SPATA16: variants seen among roughly 807,000 people sequenced by gnomAD.
SPATA16 encodes spermatogenesis associated 16, also known as spermatogenesis-associated protein 16.
SPATA16 carries 36 observed loss-of-function variants against 63.3 expected under a neutral mutation model. The ratio of observed to expected loss-of-function variants is 0.57; its 90% CI spans 0.44 to 0.75. The LOEUF is 0.75. Among genes scored for constraint, SPATA16 ranks in the 30% least tolerant of loss-of-function variants. SPATA16 has a pLI of 0.00. For synonymous variants in SPATA16, 203 were observed against 216.7 expected (o/e 0.94, Z 0.56); for missense variants, 646 against 679.3 (o/e 0.95, Z 0.54).
intron 10 of SPATA16, among the ~76,000 whole-genome samples, chr3:172,900,693 T>C (rs1394102239): frequency 6.6e-6 from 1 of 152,072 alleles, no homozygotes; most frequent in Non-Finnish European, 1.5e-5. Context: ...CGGGCTGGAG[T>C]GCAATGGCAT....
At chr3:173,099,288 G>A (rs1349539897) in intron 2 of SPATA16, among the ~76,000 whole-genome samples, 1 of 152,106 alleles carries the variant, frequency 6.6e-6, no homozygotes, top group Non-Finnish European at 1.5e-5. Context: ...GAGATGGAGA[G>A]GGAGAGACAG....
chr3:173,094,762 C>A (rs1386416578), intron 2 of SPATA16, among the ~76,000 whole-genome samples: 1 of 147,884 alleles, frequency 6.8e-6, no homozygotes, highest in Non-Finnish European at 1.5e-5. Flanking sequence ...GACGGAAGGA[C>A]CTTCTTCTGA....
chr3:172,940,471 G>A (rs1171827249), intron 6 of SPATA16, among the ~76,000 whole-genome samples: 3 of 152,152 alleles, frequency 2.0e-5, no homozygotes, highest in Non-Finnish European at 4.4e-5. Flanking sequence ...TTAGCTTTCC[G>A]AAATCTTGAG....
chr3:173,034,758 A>C (rs1417543806), intron 3 of SPATA16, among the ~76,000 whole-genome samples: 2 of 152,178 alleles, frequency 1.3e-5, no homozygotes, highest in Non-Finnish European at 2.9e-5. Context: ...TGAATTGGAT[A>C]TGGACTTTGA....
At chr3:173,058,276 C>A (rs1736297133) in intron 2 of SPATA16, among the ~76,000 whole-genome samples, 1 of 151,938 alleles carries the variant, frequency 6.6e-6, no homozygotes, top group Non-Finnish European at 1.5e-5. Context: ...TTAATGGTTT[C>A]CCTAATGAGA....
At chr3:173,031,360 TG>T (rs1735604392) in intron 3 of SPATA16, among the ~76,000 whole-genome samples, 1 of 149,640 alleles carries the variant, frequency 6.7e-6, no homozygotes, top group Admixed American at 6.6e-5. Context: ...CCTAAAAGTT[TG>T]ATTGAAATGA....
intron 4 of SPATA16, among the ~76,000 whole-genome samples, chr3:172,978,209 G>A (rs1734214512): frequency 6.6e-6 from 1 of 151,112 alleles, no homozygotes; most frequent in Admixed American, 6.6e-5. Context: ...GCTGCCCACT[G>A]ACATTTCAAA....
At chr3:173,049,498 G>A (rs1379646324) in intron 2 of SPATA16, among the ~76,000 whole-genome samples, 1 of 152,084 alleles carries the variant, frequency 6.6e-6, no homozygotes, top group Non-Finnish European at 1.5e-5. Context: ...TTAAATACCA[G>A]TGCTTTTATG....
chr3:172,978,153 C>CTA (rs1372786357), intron 4 of SPATA16, among the ~76,000 whole-genome samples: 13 of 148,798 alleles, frequency 8.7e-5, no homozygotes, highest in South Asian at 2.1e-4. Context: ...CTCTCTCTCT[C>CTA]TCTCTCTCTA....
intron 2 of SPATA16, among the ~76,000 whole-genome samples, chr3:173,075,977 AT>A (rs1736791788): frequency 1.3e-5 from 2 of 152,168 alleles, no homozygotes; most frequent in Non-Finnish European, 2.9e-5. Flanking sequence ...GAATACCCCT[AT>A]GATTTGATCA....
chr3:172,904,435 G>A (rs1577083218), intron 10 of SPATA16, among the ~76,000 whole-genome samples: 1 of 152,182 alleles, frequency 6.6e-6, no homozygotes, highest in South Asian at 2.1e-4. Context: ...AAGTGGCCGA[G>A]CTCCTGGATA....
At chr3:173,116,779 C>G (rs751800875) in intron 2 of SPATA16, among the ~76,000 whole-genome samples, 4 of 152,124 alleles carry the variant, frequency 2.6e-5, no homozygotes, top group Non-Finnish European at 4.4e-5. Context: ...CTACCCACCA[C>G]CATTGTACTA....
chr3:173,036,095 T>G (rs1735709926), intron 3 of SPATA16, among the ~76,000 whole-genome samples: 1 of 152,060 alleles, frequency 6.6e-6, no homozygotes, highest in Non-Finnish European at 1.5e-5. Context: ...AAAGCACTTC[T>G]GCACTTGTTC....
At chr3:172,904,771 A>G (rs943182094) in intron 10 of SPATA16, among the ~76,000 whole-genome samples, 1 of 152,188 alleles carries the variant, frequency 6.6e-6, no homozygotes, top group Admixed American at 6.5e-5. Context: ...AGATGGCCAG[A>G]CCAAGGCTTT....
intron 6 of SPATA16, among the ~76,000 whole-genome samples, chr3:172,937,034 TA>T (rs1351971624): frequency 6.6e-6 from 1 of 152,226 alleles, no homozygotes; most frequent in Non-Finnish European, 1.5e-5. Context: ...ACTGAGCCTT[TA>T]ACCTACAGGG....
At chr3:173,108,506 C>T (rs1737672354) in intron 2 of SPATA16, among the ~76,000 whole-genome samples, 1 of 152,126 alleles carries the variant, frequency 6.6e-6, no homozygotes, top group Non-Finnish European at 1.5e-5. Context: ...CATAGTCAAC[C>T]TGGGATTGTA....
intron 10 of SPATA16, among the ~76,000 whole-genome samples, chr3:172,894,355 A>G (rs1365443062): frequency 6.6e-6 from 1 of 152,262 alleles, no homozygotes; most frequent in East Asian, 1.9e-4. Flanking sequence ...GCTTTTGGCT[A>G]GTATTCAAAC....
chr3:173,104,308 A>G (rs1381595469), intron 2 of SPATA16, among the ~76,000 whole-genome samples: 5 of 152,090 alleles, frequency 3.3e-5, no homozygotes, highest in Non-Finnish European at 7.4e-5. Flanking sequence ...CGCTTCCACA[A>G]TTTTAGTTAT....
chr3:172,926,893 G>A (rs936568726), intron 6 of SPATA16, among the ~76,000 whole-genome samples: 1 of 152,122 alleles, frequency 6.6e-6, no homozygotes, highest in African/African-American at 2.4e-5. Flanking sequence ...AGCCCTCTTC[G>A]TTTAACACTG....
Sources: gnomAD v4.1 joint callset for allele counts (sites outside exome capture counted in the v4.1 genomes callset) on GRCh38, gnomAD v4.1.1 for gene constraint, MANE v1.5 for transcripts, NCBI Gene and HGNC (gene_info 2026-07-23, HGNC 2026-07-21) for gene names.